EXOC4: variants seen among roughly 807,000 people sequenced by gnomAD.
The protein encoded by EXOC4 is exocyst complex component 4.
In EXOC4, 71 loss-of-function variants were observed where a neutral mutation model predicts 107.2. The ratio of observed to expected loss-of-function variants is 0.66; its 90% CI spans 0.55 to 0.81. EXOC4 has a LOEUF of 0.81. Ranked by LOEUF, EXOC4 falls within the 30% of genes least tolerant of loss-of-function variation. EXOC4 has a pLI of 0.00. For missense variants in EXOC4, 1,108 were observed against 1,189.6 expected (o/e 0.93, Z 1.01); for synonymous variants, 456 against 441.2 (o/e 1.03, Z -0.42).
chr7:133,625,938 G>A (rs1802443102), intron 9 of EXOC4, among the ~76,000 whole-genome samples: 1 of 152,178 alleles, frequency 6.6e-6, no homozygotes, highest in South Asian at 2.1e-4. Context: ...CAGCGACGGT[G>A]GCTCACAGCT....
chr7:133,290,107 C>G (rs561758908), intron 3 of EXOC4, among the ~76,000 whole-genome samples: 2 of 152,192 alleles, frequency 1.3e-5, no homozygotes, highest in African/African-American at 2.4e-5. Flanking sequence ...ATTTGGTAAC[C>G]AAGGAGTGAG....
intron 12 of EXOC4, among the ~76,000 whole-genome samples, chr7:133,917,241 G>T (rs1048816313): frequency 1.3e-5 from 2 of 152,130 alleles, no homozygotes; most frequent in African/African-American, 2.4e-5. Flanking sequence ...CTTTTACATG[G>T]TTATCCCACT....
chr7:133,896,590 G>A (rs533616043), intron 12 of EXOC4, among the ~76,000 whole-genome samples: 1 of 151,992 alleles, frequency 6.6e-6, no homozygotes, highest in South Asian at 2.1e-4. Context: ...CGGAGGTGGA[G>A]AGAAACATAA....
intron 12 of EXOC4, among the ~76,000 whole-genome samples, chr7:133,896,057 G>A (rs1340744656): frequency 2.6e-5 from 4 of 152,162 alleles, no homozygotes; most frequent in Non-Finnish European, 5.9e-5. Flanking sequence ...CTATCTTGTG[G>A]TTAAAAAGAT....
intron 9 of EXOC4, among the ~76,000 whole-genome samples, chr7:133,521,274 G>T (rs1303162599): frequency 6.6e-6 from 1 of 152,060 alleles, no homozygotes; most frequent in Non-Finnish European, 1.5e-5. Context: ...TGTATTAGTT[G>T]TAATTATAAT....
At chr7:134,080,483 G>C in the EXOC4 span, among the ~76,000 whole-genome samples, 3 of 152,100 alleles carry the variant, frequency 2.0e-5, no homozygotes, top group Non-Finnish European at 4.4e-5. Context: ...AAGCAAGTAA[G>C]TAGTATTGGG....
At chr7:133,808,092 A>C (rs558704475) in intron 10 of EXOC4, among the ~76,000 whole-genome samples, 1 of 152,352 alleles carries the variant, frequency 6.6e-6, no homozygotes, top group South Asian at 2.1e-4. Context: ...TTATTTGATT[A>C]GTTCAGCAAA....
chr7:133,293,255 G>A (rs1429935563), intron 3 of EXOC4, among the ~76,000 whole-genome samples: 1 of 152,060 alleles, frequency 6.6e-6, no homozygotes, highest in Non-Finnish European at 1.5e-5. Flanking sequence ...TCTTCAACTT[G>A]GTCTTTTGTA....
chr7:133,265,826 A>G (rs1433987844), intron 1 of EXOC4, among the ~76,000 whole-genome samples: 1 of 152,202 alleles, frequency 6.6e-6, no homozygotes, highest in Non-Finnish European at 1.5e-5. Flanking sequence ...GCCAAAATTC[A>G]GGTGTATTAC....
chr7:133,470,013 G>A (rs982332789), intron 7 of EXOC4, among the ~76,000 whole-genome samples: 2 of 152,180 alleles, frequency 1.3e-5, no homozygotes, highest in Non-Finnish European at 2.9e-5. Flanking sequence ...GGCTGAGAGG[G>A]TGGAATCACA....
intron 7 of EXOC4, among the ~76,000 whole-genome samples, chr7:133,380,153 G>A (rs1796582125): frequency 6.6e-6 from 1 of 151,646 alleles, no homozygotes; most frequent in Non-Finnish European, 1.5e-5. Context: ...ACGAGTTAAT[G>A]GGTGCAGCAC....
chr7:133,735,875 T>C (rs553360785), intron 10 of EXOC4, among the ~76,000 whole-genome samples: 8 of 152,020 alleles, frequency 5.3e-5, no homozygotes, highest in African/African-American at 7.2e-5. Context: ...TCACTTGAGG[T>C]TAGTTCGAAA....
At chr7:133,381,348 G>C (rs1312792761) in intron 7 of EXOC4, among the ~76,000 whole-genome samples, 1 of 152,120 alleles carries the variant, frequency 6.6e-6, no homozygotes, top group African/African-American at 2.4e-5. Flanking sequence ...TGTAAGAAGA[G>C]TAGTAGATGT....
At chr7:133,647,656 G>A (rs1027744273) in intron 10 of EXOC4, among the ~76,000 whole-genome samples, 1 of 152,014 alleles carries the variant, frequency 6.6e-6, no homozygotes, top group African/African-American at 2.4e-5. Context: ...TCAAAGGCTC[G>A]AGGACTCTTC....
At chr7:134,075,078 T>C in the EXOC4 span, among the ~76,000 whole-genome samples, 1 of 152,196 alleles carries the variant, frequency 6.6e-6, no homozygotes, top group Non-Finnish European at 1.5e-5. Flanking sequence ...AGTGCAGTCA[T>C]GAAAACTAGC....
intron 10 of EXOC4, among the ~76,000 whole-genome samples, chr7:133,646,710 A>G (rs1316531664): frequency 6.6e-5 from 10 of 152,290 alleles, no homozygotes; most frequent in Admixed American, 3.9e-4. Flanking sequence ...TTCAAAATAT[A>G]ATTAGCAACA....
At chr7:133,404,327 T>C (rs1186299076) in intron 7 of EXOC4, among the ~76,000 whole-genome samples, 1 of 152,088 alleles carries the variant, frequency 6.6e-6, no homozygotes, top group Non-Finnish European at 1.5e-5. Flanking sequence ...ATGGTCTCGA[T>C]CTCCTGACCT....
chr7:133,338,450 G>A (rs1026386760), intron 5 of EXOC4, among the ~76,000 whole-genome samples: 36 of 149,104 alleles, frequency 2.4e-4, no homozygotes, highest in African/African-American at 6.9e-4. Context: ...AAAATTAGCC[G>A]GGCGCGGTGG....
intron 10 of EXOC4, among the ~76,000 whole-genome samples, chr7:133,729,933 A>G (rs1344648159): frequency 6.6e-6 from 1 of 151,896 alleles, no homozygotes; most frequent in East Asian, 1.9e-4. Context: ...TTAAATCTTT[A>G]TCTGGAAACC....
Sources: allele counts gnomAD v4.1 joint callset (sites outside exome capture counted in the v4.1 genomes callset), GRCh38; gene constraint gnomAD v4.1.1; transcripts MANE v1.5; gene names NCBI Gene and HGNC (gene_info 2026-07-23, HGNC 2026-07-21).